The following RYR3 variants were observed in gnomAD, a reference collection of about 807,000 sequenced individuals.
The protein encoded by RYR3 is brain ryanodine receptor-calcium release channel.
RYR3 carries 207 observed loss-of-function variants against 584.3 expected under a neutral mutation model. That is an observed-to-expected ratio of 0.35 (90% CI 0.32 to 0.40). The LOEUF (loss-of-function observed/expected upper bound fraction) is 0.40. Among genes scored for constraint, RYR3 ranks in the 10% least tolerant of loss-of-function variants. The pLI, the probability that RYR3 is intolerant of heterozygous loss-of-function variation, is 1.00. For missense variants in RYR3, 5,616 were observed against 6,089.2 expected (o/e 0.92, Z 2.59); for synonymous variants, 2,416 against 2,248.5 (o/e 1.07, Z -2.11).
In RYR3 at chr15:33,636,510, A is replaced by G. The variant is rs2152648478; in HGVS notation, c.3516A>G (p.Lys1172=). 1 of 1,611,260 alleles carries G rather than the reference A, an allele frequency of 6.2e-7. No homozygotes were observed. Among genetic ancestry groups the G allele is most frequent in the Non-Finnish European group, 8.5e-7 (1 of 1,178,742 alleles). The part of the protein sequence containing the change: ...TLNGELLITN[K]GSELAFADYE... ...ATGGGGAGCTGCTGATCACCAACAA[A>G]GGCTCTGAACTTGCCTTCGCTGACT... is the stretch of plus-strand genomic sequence containing the variant. Residue 1172 remains lysine (K), a synonymous_variant, in exon 27 of 104, where the codon AAA becomes AAG. Coordinates refer to ENST00000634891, the MANE Select transcript of RYR3 (RefSeq NM_001036.6).
intron 18 of RYR3, among the ~76,000 whole-genome samples, chr15:33,606,836 C>T (rs901185632): frequency 3.3e-5 from 5 of 152,076 alleles, no homozygotes; most frequent in Admixed American, 6.6e-5. Flanking sequence ...CCACTTTTTC[C>T]TCCTCAGAAT....
At chr15:33,614,799 T>C (rs1400923734) in intron 19 of RYR3, among the ~76,000 whole-genome samples, 4 of 152,164 alleles carry the variant, frequency 2.6e-5, no homozygotes, top group African/African-American at 9.7e-5. Flanking sequence ...GGTTTTTTCC[T>C]ATTGTTTTTT....
In RYR3 at chr15:33,746,169, G is replaced by T; in HGVS notation, c.7989+12G>T. On this transcript the variant is annotated intron_variant, in intron 53 of 103. Transcript: ENST00000634891. ...CATTAACGGAGAAGGTAAGAAGCAGGCCTCTGGTAACACTGTGTGACCATG... is the reference window on the plus strand; with the variant it reads ...CATTAACGGAGAAGGTAAGAAGCAGTCCTCTGGTAACACTGTGTGACCATG... The T allele has an allele frequency of 6.4e-7, 1 of 1,559,208 alleles. No homozygotes were observed. The highest frequency in any genetic ancestry group is 1.2e-5 in the South Asian group (1 of 85,392).
At chr15:33,751,983 G>A (rs2071359508) in intron 57 of RYR3, among the ~76,000 whole-genome samples, 1 of 152,178 alleles carries the variant, frequency 6.6e-6, no homozygotes, top group African/African-American at 2.4e-5. Context: ...TTATTAAATA[G>A]GGAATCCTTT....
intron 19 of RYR3, among the ~76,000 whole-genome samples, chr15:33,622,513 A>G (rs2060777927): frequency 6.6e-6 from 1 of 152,110 alleles, no homozygotes; most frequent in Non-Finnish European, 1.5e-5. Flanking sequence ...ATGTCTCCCA[A>G]TCAGTAATTA....
intron 43 of RYR3, among the ~76,000 whole-genome samples, chr15:33,712,881 G>A (rs959047604): frequency 2.0e-5 from 3 of 152,122 alleles, no homozygotes; most frequent in Non-Finnish European, 1.5e-5. Context: ...TGATAATAAT[G>A]TATGCCTCAC....
intron 33 of RYR3, 57 bp downstream of exon 33, chr15:33,659,863 TA>T (rs2063044216): frequency 8.3e-7 from 1 of 1,202,962 alleles, no homozygotes; most frequent in Admixed American, 1.8e-5. Context: ...CACTAACCAT[TA>T]GGGGGAAAAT....
At chr15:33,406,506 C>T (rs2043028774) in intron 1 of RYR3, among the ~76,000 whole-genome samples, 1 of 152,200 alleles carries the variant, frequency 6.6e-6, no homozygotes, top group Non-Finnish European at 1.5e-5. Flanking sequence ...AACATTTACT[C>T]TGGAGAATAT....
intron 12 of RYR3, among the ~76,000 whole-genome samples, chr15:33,575,629 G>T (rs965060369): frequency 6.6e-5 from 10 of 152,080 alleles, no homozygotes; most frequent in Admixed American, 5.2e-4. Flanking sequence ...TAAGAGGGAA[G>T]TTTATAGCAC....
intron 38 of RYR3, among the ~76,000 whole-genome samples, chr15:33,685,875 C>T (rs187676992): frequency 1.3e-5 from 2 of 152,100 alleles, no homozygotes; most frequent in African/African-American, 2.4e-5. Context: ...GCAGAAATAA[C>T]GATGTTCTTT....
At chr15:33,446,231 G>C (rs1188783508) in intron 1 of RYR3, among the ~76,000 whole-genome samples, 12 of 152,166 alleles carry the variant, frequency 7.9e-5, no homozygotes, top group Admixed American at 7.9e-4. Flanking sequence ...GCAAGGACCA[G>C]GCAAGAGATT....
At chr15:33,398,661 G>T (rs1279520462) in intron 1 of RYR3, among the ~76,000 whole-genome samples, 1 of 152,186 alleles carries the variant, frequency 6.6e-6, no homozygotes, top group African/African-American at 2.4e-5. Flanking sequence ...GTGGGTGGAG[G>T]GTGGAGCTTT....
At chr15:33,826,901 G>A in intron 84 of RYR3, 149 bp downstream of exon 84, 2 of 675,844 alleles carry the variant, frequency 3.0e-6, no homozygotes, top group Non-Finnish European at 5.2e-6. Context: ...AAATATCATG[G>A]CTAGTGATAT....
intron 1 of RYR3, among the ~76,000 whole-genome samples, chr15:33,375,403 G>T (rs148713741): frequency 7.0e-4 from 106 of 152,262 alleles, no homozygotes; most frequent in African/African-American, 2.5e-3. Flanking sequence ...GGATTGAGAC[G>T]GGGAGAGATA....
chr15:33,649,294 T>C, intron 31 of RYR3, 59 bp downstream of exon 31: 1 of 1,506,298 alleles, frequency 6.6e-7, no homozygotes, highest in Non-Finnish European at 9.1e-7. Flanking sequence ...CTCCCCCCAG[T>C]CTTTTTCTTC....
At chr15:33,694,363 G>A (rs1009110490) in intron 38 of RYR3, among the ~76,000 whole-genome samples, 12 of 151,166 alleles carry the variant, frequency 7.9e-5, no homozygotes, top group African/African-American at 2.9e-4. Flanking sequence ...TCCTGCCTCA[G>A]CCTCCCGAGT....
intron 67 of RYR3, among the ~76,000 whole-genome samples, chr15:33,797,735 G>T (rs2075704548): frequency 6.6e-6 from 1 of 151,742 alleles, no homozygotes; most frequent in African/African-American, 2.4e-5. Context: ...AGTCCCTGTG[G>T]CTGTTTTGTT....
At chr15:33,795,342 A>T (rs115691409) in intron 67 of RYR3, among the ~76,000 whole-genome samples, 2,977 of 151,324 alleles carry the variant, frequency 0.02, 109 homozygotes, top group African/African-American at 0.069. Context: ...ATGCCAGGAG[A>T]TAAAAATCAA....
At chr15:33,418,865 A>G (rs2044020696) in intron 1 of RYR3, among the ~76,000 whole-genome samples, 1 of 152,162 alleles carries the variant, frequency 6.6e-6, no homozygotes, top group African/African-American at 2.4e-5. Context: ...AGCTAGCATG[A>G]GGACAGGAGA....
Sources: allele counts gnomAD v4.1 joint callset (sites outside exome capture counted in the v4.1 genomes callset), GRCh38; gene constraint gnomAD v4.1.1; transcripts MANE v1.5; gene names NCBI Gene and HGNC (gene_info 2026-07-23, HGNC 2026-07-21).